Variants in PTPRD observed in about 807,000 individuals in gnomAD.
PTPRD encodes receptor-type tyrosine-protein phosphatase delta.
Under a neutral mutation model 214.5 loss-of-function variants are expected in PTPRD, and 34 were observed. The observed-to-expected ratio is 0.16, with a 90% CI of 0.12 to 0.21. The LOEUF (loss-of-function observed/expected upper bound fraction) is 0.21, where lower values mean the gene tolerates loss of function less well. Ranked by LOEUF, PTPRD falls within the 10% of genes least tolerant of loss-of-function variation. The pLI, the probability that PTPRD is intolerant of heterozygous loss-of-function variation, is 1.00. For missense variants in PTPRD, 2,545 were observed against 2,398.7 expected (o/e 1.06, Z -1.27); for synonymous variants, 1,128 against 845.7 (o/e 1.33, Z -5.79).
At chr9:10,265,252 ACAACAG>A (rs910196770) in intron 3 of PTPRD, among the ~76,000 whole-genome samples, 33 of 152,182 alleles carry the variant, frequency 2.2e-4, no homozygotes, top group African/African-American at 8.0e-4. Flanking sequence ...TGGAAGTCCT[ACAACAG>A]CATCTATTTG....
intron 3 of PTPRD, among the ~76,000 whole-genome samples, chr9:10,250,065 C>G (rs2092625288): frequency 1.3e-5 from 2 of 152,072 alleles, no homozygotes; most frequent in South Asian, 4.1e-4. Context: ...AGCTTTCATT[C>G]TAGTTACTGT....
intron 5 of PTPRD, among the ~76,000 whole-genome samples, chr9:9,788,280 G>A (rs1359800270): frequency 6.6e-6 from 1 of 151,394 alleles, no homozygotes; most frequent in African/African-American, 2.4e-5. Flanking sequence ...GGCCGGGCGC[G>A]GTGACTCACA....
intron 2 of PTPRD, among the ~76,000 whole-genome samples, chr9:10,403,491 G>T (rs138951434): frequency 1.3e-5 from 2 of 150,890 alleles, no homozygotes; most frequent in Non-Finnish European, 3.0e-5. Flanking sequence ...GCAAATGCTG[G>T]CCAGGATGTG....
intron 4 of PTPRD, among the ~76,000 whole-genome samples, chr9:10,002,074 T>C (rs1335074996): frequency 6.6e-6 from 1 of 151,780 alleles, no homozygotes; most frequent in Non-Finnish European, 1.5e-5. Context: ...CTGTAAACTA[T>C]TGAAATTAAG....
At chr9:9,255,651 G>A (rs2099977401) in intron 9 of PTPRD, among the ~76,000 whole-genome samples, 1 of 152,012 alleles carries the variant, frequency 6.6e-6, no homozygotes, top group African/African-American at 2.4e-5. Flanking sequence ...TTAGGCCAAT[G>A]AGTTTTATTG....
chr9:10,300,428 G>A (rs973839181), intron 3 of PTPRD, among the ~76,000 whole-genome samples: 6 of 152,190 alleles, frequency 3.9e-5, no homozygotes, highest in African/African-American at 9.6e-5. Context: ...CCCTCCCCTG[G>A]AAAGGGGGCT....
intron 2 of PTPRD, among the ~76,000 whole-genome samples, chr9:10,360,681 C>T (rs1209937169): frequency 2.0e-5 from 3 of 152,154 alleles, no homozygotes; most frequent in Non-Finnish European, 2.9e-5. Context: ...GATGACCCCC[C>T]AAAAGCTTTA....
At chr9:8,729,173 C>T (rs540443175) in intron 12 of PTPRD, among the ~76,000 whole-genome samples, 4 of 152,138 alleles carry the variant, frequency 2.6e-5, no homozygotes, top group Non-Finnish European at 5.9e-5. Context: ...AAGAGGCAAC[C>T]GTACAAACAG....
intron 3 of PTPRD, among the ~76,000 whole-genome samples, chr9:10,199,204 A>G (rs1318173096): frequency 6.6e-6 from 1 of 152,000 alleles, no homozygotes; most frequent in Non-Finnish European, 1.5e-5. Context: ...ATTTCCTCGT[A>G]TATTTGTTAA....
intron 9 of PTPRD, among the ~76,000 whole-genome samples, chr9:9,351,336 A>C (rs1003573501): frequency 2.0e-5 from 3 of 152,078 alleles, no homozygotes; most frequent in African/African-American, 7.2e-5. Context: ...TATGGCCTGC[A>C]CTGGGAATGC....
chr9:10,028,292 C>G (rs2096970783), intron 4 of PTPRD, among the ~76,000 whole-genome samples: 1 of 152,158 alleles, frequency 6.6e-6, no homozygotes, highest in Non-Finnish European at 1.5e-5. Context: ...TTGTAAATTG[C>G]TCAGTCTTGG....
chr9:9,834,111 G>C (rs377362072), intron 5 of PTPRD, among the ~76,000 whole-genome samples: 1 of 152,012 alleles, frequency 6.6e-6, no homozygotes, highest in African/African-American at 2.4e-5. Context: ...AGTAAAGACA[G>C]GCATAAGAAA....
chr9:10,583,774 G>A (rs570462558), intron 2 of PTPRD, among the ~76,000 whole-genome samples: 20 of 152,264 alleles, frequency 1.3e-4, no homozygotes, highest in Admixed American at 9.1e-4. Flanking sequence ...CACCGCGCCC[G>A]GCCACAGGTG....
intron 14 of PTPRD, among the ~76,000 whole-genome samples, chr9:8,551,558 T>C (rs2082114260): frequency 6.6e-6 from 1 of 152,204 alleles, no homozygotes; most frequent in African/African-American, 2.4e-5. Context: ...GCAAGAGTGA[T>C]ACAATTTTTC....
intron 3 of PTPRD, among the ~76,000 whole-genome samples, chr9:10,253,835 T>A (rs1165013873): frequency 6.6e-6 from 1 of 152,256 alleles, no homozygotes; most frequent in East Asian, 1.9e-4. Context: ...ATTGGCTATA[T>A]GGAACTGTAG....
intron 10 of PTPRD, among the ~76,000 whole-genome samples, chr9:9,174,161 G>GA (rs1025585059): frequency 1.4e-4 from 21 of 151,686 alleles, no homozygotes; most frequent in South Asian, 4.2e-4. Context: ...TTACCAACAG[G>GA]AAAAAAAATC....
chr9:8,855,331 T>C (rs1397001571), intron 11 of PTPRD, among the ~76,000 whole-genome samples: 2 of 152,154 alleles, frequency 1.3e-5, no homozygotes, highest in African/African-American at 2.4e-5. Flanking sequence ...CAAATCACTG[T>C]ATTTAATACT....
Position 8,486,302 on chromosome 9 carries a change from C to A in PTPRD, c.2515G>T (p.Ala839Ser), listed in dbSNP as rs2097007154. The part of the protein sequence containing the change: ...LVINHTQMNT[A>S]LIQWHPPVDT... ...ACCGGAGGGTGCCACTGAATAAGAG[C>A]AGTATTCATCTGAGTGTGGTTAATC... Residue 839 changes from alanine to serine, a missense_variant, in exon 28 of 46, where the codon GCT becomes TCT. By Grantham distance (99) the Ala-to-Ser change is moderately conservative (BLOSUM62 1). Transcript: ENST00000381196. 1 of 1,614,110 alleles carries A rather than the reference C, an allele frequency of 6.2e-7. No homozygotes were observed. The highest frequency in any genetic ancestry group is 2.2e-5 in the East Asian group (1 of 44,876).
At chr9:10,170,512 C>T (rs1356846367) in intron 3 of PTPRD, among the ~76,000 whole-genome samples, 2 of 151,984 alleles carry the variant, frequency 1.3e-5, no homozygotes, top group African/African-American at 4.8e-5. Context: ...ACGGTGAAAC[C>T]CCGTCTCTAC....
Sources: gnomAD v4.1 joint callset for allele counts (sites outside exome capture counted in the v4.1 genomes callset) on GRCh38, gnomAD v4.1.1 for gene constraint, MANE v1.5 for transcripts, NCBI Gene and HGNC (gene_info 2026-07-23, HGNC 2026-07-21) for gene names.